The following DDX54 variants were observed in gnomAD, a reference collection of about 807,000 sequenced individuals.
DDX54 encodes the protein DEAD-box helicase 54.
Under a neutral mutation model 105.5 loss-of-function variants are expected in DDX54, and 67 were observed. The ratio of observed to expected loss-of-function variants is 0.64; its 90% confidence interval spans 0.52 to 0.78. The LOEUF (loss-of-function observed/expected upper bound fraction) is 0.78. Among genes scored for constraint, DDX54 ranks in the 30% least tolerant of loss-of-function variants. The pLI is 0.00. For missense variants in DDX54, 1,206 were observed against 1,230.5 expected (o/e 0.98, Z 0.30); for synonymous variants, 514 against 509.9 (o/e 1.01, Z -0.11).
intron 5 of DDX54, 83 bp downstream of exon 5, chr12:113,178,894 C>T (rs1263623131): frequency 2.6e-6 from 4 of 1,536,548 alleles, no homozygotes; most frequent in African/African-American, 1.4e-5. Flanking sequence ...ATAAGCAACA[C>T]AGCTTAAATC....
intron 12 of DDX54, among the ~76,000 whole-genome samples, chr12:113,166,748 T>A (rs1303417551): frequency 1.3e-5 from 2 of 152,166 alleles, no homozygotes; most frequent in Non-Finnish European, 1.5e-5. Context: ...ACAGCAACTT[T>A]GCTGACTCCA....
At chr12:113,161,099 G>A (rs1484177487) in intron 19 of DDX54, among the ~76,000 whole-genome samples, 171 bp downstream of exon 19, 1 of 151,052 alleles carries the variant, frequency 6.6e-6, no homozygotes, top group Non-Finnish European at 1.5e-5. Flanking sequence ...TGTGGGTGTG[G>A]GGGTTGGGTG....
At chr12:113,164,468 C>CTTGA (rs1252625172) in intron 14 of DDX54, among the ~76,000 whole-genome samples, 183 bp from the exon 15 acceptor site, 1 of 152,216 alleles carries the variant, frequency 6.6e-6, no homozygotes, top group Non-Finnish European at 1.5e-5. Context: ...AATCCCAGCA[C>CTTGA]TTGAGGAGGC....
intron 12 of DDX54, among the ~76,000 whole-genome samples, chr12:113,167,767 G>A (rs976410539): frequency 6.6e-6 from 1 of 152,204 alleles, no homozygotes; most frequent in Non-Finnish European, 1.5e-5. Flanking sequence ...GACATTGGGG[G>A]AGGCTCCTTC....
In DDX54 at chr12:113,185,459, G is replaced by A. The variant is rs571448823; in HGVS notation, c.-8C>T. On this transcript the variant is annotated 5_prime_UTR_variant, in exon 1 of 20. Transcript: ENST00000306014. ...GCCCTTGTCGGCCGCCATTCGGGCC[G>A]CGCGCTGGGAACGCAGAAGGGGGCG... 16 of 1,496,896 alleles carry A rather than the reference G, an allele frequency of 1.1e-5. No individual in the cohort carries two copies. Among genetic ancestry groups the A allele is most frequent in the East Asian group, 7.9e-5 (3 of 37,992 alleles). 92.7% of individuals were successfully genotyped at this position (1,496,896 alleles called of 1,614,324 possible). A position where few individuals can be genotyped will look rare whatever the true frequency, so the allele number is the denominator to read the frequency against.
chr12:113,172,063 G>A (rs1247254083), intron 11 of DDX54, among the ~76,000 whole-genome samples: 1 of 151,362 alleles, frequency 6.6e-6, no homozygotes, highest in Non-Finnish European at 1.5e-5. Context: ...GAAAAAAATA[G>A]AACAGCTGTA....
rs531733346 is a variant in DDX54 at position 113,185,454 on chromosome 12, G to A, written c.-3C>T. Reference sequence around the variant, plus strand: ...GCCGGGCCCTTGTCGGCCGCCATTCGGGCCGCGCGCTGGGAACGCAGAAGG... The same window carrying A: ...GCCGGGCCCTTGTCGGCCGCCATTCAGGCCGCGCGCTGGGAACGCAGAAGG... On this transcript the variant is annotated 5_prime_UTR_variant, in exon 1 of 20. Transcript: ENST00000306014. 2.7e-6 allele frequency: 4 copies of A among 1,500,752 alleles called. No individual in the cohort carries two copies. Among genetic ancestry groups the A allele is most frequent in the East Asian group, 2.6e-5 (1 of 38,082 alleles). The allele number at this position is 1,500,752 out of a possible 1,614,324, so 93.0% of individuals were successfully genotyped here.
At chr12:113,171,429 CCT>C (rs1316252611) in intron 11 of DDX54, among the ~76,000 whole-genome samples, 7 of 151,860 alleles carry the variant, frequency 4.6e-5, no homozygotes, top group South Asian at 2.1e-4. Context: ...TGGTGAAACC[CCT>C]GTCTCTACTA....
At chr12:113,168,797 G>A (rs1474366460) in intron 12 of DDX54, among the ~76,000 whole-genome samples, 1 of 152,186 alleles carries the variant, frequency 6.6e-6, no homozygotes, top group Non-Finnish European at 1.5e-5. Flanking sequence ...GGGCGTGGTT[G>A]TGTGTGCCTG....
At position 113,157,765 on chromosome 12, in the gene DDX54, A is replaced by C; in HGVS notation, c.*1112T>G. On this transcript the variant is annotated 3_prime_UTR_variant, in exon 20 of 20. Coordinates refer to ENST00000306014, the MANE Select transcript of DDX54 (RefSeq NM_024072.4). ...CACATTTCCAATGGGGTGTGGACTG[A>C]GTGGCTCTTCCTGAATCCGTTTCCT... The C allele has an allele frequency of 9.1e-7, 1 of 1,094,772 alleles. No individual in the cohort carries two copies. The highest frequency in any genetic ancestry group is 1.3e-6 in the Non-Finnish European group (1 of 740,978). 67.8% of individuals were successfully genotyped at this position (1,094,772 alleles called of 1,614,324 possible).
chr12:113,174,653 T>G lies in DDX54; in HGVS notation c.1055A>C (p.Glu352Ala), dbSNP rs1410226811. 1.2e-6 allele frequency: 2 copies of G among 1,611,520 alleles called. No individual in the cohort carries two copies. Among genetic ancestry groups the G allele is most frequent in the African/African-American group, 1.3e-5 (1 of 75,006 alleles). The stretch of plus-strand genomic sequence containing the variant: ...GACCCTGCTCACCTCAGTGAGGTAC[T>G]CGGCGTGGTGCTTCGTGGCCACAAA... ...VVFVATKHHA[E>A]YLTELLTTQR... is the part of the protein sequence containing the mutation. The change falls in exon 10 of 20, where the codon GAG becomes GCG. Residue 352 changes from glutamate (E) to alanine (A), a missense_variant. Coordinates refer to ENST00000306014, the MANE Select transcript of DDX54 (RefSeq NM_024072.4).
chr12:113,178,093 T>A (rs1186447975), intron 5 of DDX54, among the ~76,000 whole-genome samples: 3 of 152,024 alleles, frequency 2.0e-5, no homozygotes, highest in Non-Finnish European at 4.4e-5. Flanking sequence ...AAAAATTGGC[T>A]GGGCATGGTG....
intron 7 of DDX54, among the ~76,000 whole-genome samples, chr12:113,175,662 G>A (rs1032006371): frequency 2.7e-4 from 41 of 152,144 alleles, no homozygotes; most frequent in African/African-American, 9.4e-4. Flanking sequence ...GGTGGCGGGC[G>A]CCTGTAGTCC....
At chr12:113,160,665 A>T (rs1356440690) in intron 19 of DDX54, among the ~76,000 whole-genome samples, 1 of 152,062 alleles carries the variant, frequency 6.6e-6, no homozygotes, top group Non-Finnish European at 1.5e-5. Context: ...TTGCCAACCC[A>T]CATTTCAAGG....
At chr12:113,181,120 G>A (rs1370322191) in intron 1 of DDX54, 62 bp from the exon 2 acceptor site, 4 of 1,560,964 alleles carry the variant, frequency 2.6e-6, no homozygotes, top group Non-Finnish European at 3.5e-6. Context: ...AGGGGGCAGG[G>A]AAGGGGCCTG....
At chr12:113,185,064 C>G (rs549134814) in intron 1 of DDX54, among the ~76,000 whole-genome samples, 3 of 152,344 alleles carry the variant, frequency 2.0e-5, no homozygotes, top group South Asian at 4.1e-4. Context: ...AGGCTCCAGC[C>G]CCGGGATCCC....
intron 17 of DDX54, 69 bp from the exon 18 acceptor site, chr12:113,162,066 C>A (rs1592997423): frequency 7.0e-7 from 1 of 1,431,408 alleles, no homozygotes; most frequent in Admixed American, 1.7e-5. Context: ...CCGCTTGGGG[C>A]CTGTCTCCTC....
intron 1 of DDX54, among the ~76,000 whole-genome samples, chr12:113,184,692 G>A (rs1030461983): frequency 2.0e-5 from 3 of 152,166 alleles, no homozygotes; most frequent in Admixed American, 6.5e-5. Context: ...CGGGCGTGGT[G>A]GCGCATGTCT....
At chr12:113,161,791 T>TCCCC in intron 18 of DDX54, 102 bp downstream of exon 18, 1 of 81,852 alleles carries the variant, frequency 1.2e-5, no homozygotes, top group Non-Finnish European at 2.4e-5. Flanking sequence ...CCCCGCCCCC[T>TCCCC]CCTCCCCGCC....
Sources: allele counts gnomAD v4.1 joint callset (sites outside exome capture counted in the v4.1 genomes callset), GRCh38; gene constraint gnomAD v4.1.1; transcripts MANE v1.5; gene names NCBI Gene and HGNC (gene_info 2026-07-23, HGNC 2026-07-21).